Variants in SGCZ observed in about 807,000 individuals in gnomAD.
SGCZ encodes sarcoglycan zeta.
SGCZ carries 40 observed loss-of-function variants against 41.3 expected under a neutral mutation model. The ratio of observed to expected loss-of-function variants is 0.97; its 90% CI spans 0.75 to 1.26. The LOEUF is 1.26. SGCZ is among the 50% of genes most tolerant of loss of function. SGCZ has a pLI of 0.00. For synonymous variants in SGCZ, 206 were observed against 137.5 expected (o/e 1.50, Z -3.49); for missense variants, 552 against 369.8 (o/e 1.49, Z -4.04).
intron 2 of SGCZ, among the ~76,000 whole-genome samples, chr8:14,404,695 A>T (rs1799164107): frequency 6.6e-6 from 1 of 152,144 alleles, no homozygotes; most frequent in Non-Finnish European, 1.5e-5. Context: ...AGCTGCAGTT[A>T]TGTCTCTGTA....
chr8:14,746,653 C>A (rs560639029), intron 1 of SGCZ, among the ~76,000 whole-genome samples: 1 of 152,112 alleles, frequency 6.6e-6, no homozygotes, highest in Non-Finnish European at 1.5e-5. Context: ...AAAGATACTA[C>A]ACTTGCCAAA....
At chr8:14,866,933 G>C (rs116813875) in intron 1 of SGCZ, among the ~76,000 whole-genome samples, 3,614 of 152,256 alleles carry the variant, frequency 0.024, 52 homozygotes, top group Middle Eastern at 0.048. Flanking sequence ...GTTTCTGAGA[G>C]AGCACGCTGT....
chr8:14,385,253 A>G (rs1804532128), intron 2 of SGCZ, among the ~76,000 whole-genome samples: 1 of 152,170 alleles, frequency 6.6e-6, no homozygotes, highest in Non-Finnish European at 1.5e-5. Flanking sequence ...CAGCTCCAGT[A>G]CACTATTAAG....
chr8:14,907,093 T>C (rs562971246), intron 1 of SGCZ, among the ~76,000 whole-genome samples: 1 of 152,332 alleles, frequency 6.6e-6, no homozygotes, highest in Non-Finnish European at 1.5e-5. Flanking sequence ...ACTGGGTCAC[T>C]GAAATGTAAA....
chr8:14,175,057 A>T (rs1256723937), intron 4 of SGCZ, among the ~76,000 whole-genome samples: 2 of 152,170 alleles, frequency 1.3e-5, no homozygotes, highest in African/African-American at 4.8e-5. Context: ...ACATTCTGGT[A>T]CTGAAGGTTA....
At chr8:15,210,664 C>T (rs1203729423) in intron 1 of SGCZ, among the ~76,000 whole-genome samples, 2 of 152,036 alleles carry the variant, frequency 1.3e-5, no homozygotes, top group Admixed American at 1.3e-4. Flanking sequence ...TATGAGCAAT[C>T]CAATACTCCC....
At chr8:14,448,184 T>C (rs1800489163) in intron 2 of SGCZ, among the ~76,000 whole-genome samples, 1 of 152,216 alleles carries the variant, frequency 6.6e-6, no homozygotes, top group South Asian at 2.1e-4. Flanking sequence ...CTCTTGCTAC[T>C]AAAAGAGAGA....
chr8:14,354,980 A>G (rs773001899), intron 2 of SGCZ, among the ~76,000 whole-genome samples: 1 of 151,924 alleles, frequency 6.6e-6, no homozygotes, highest in African/African-American at 2.4e-5. Context: ...ATTAATAAAT[A>G]TTTGCTGAAT....
rs138642352 is a variant in SGCZ at position 14,215,955 on chromosome 8, G to A, written c.424+21637C>T. 3.9e-3 allele frequency among the ~76,000 whole-genome samples: 591 copies of A among 152,328 alleles called. 4 individuals carry two copies. The highest frequency in any genetic ancestry group is 6.9e-3 in the Non-Finnish European group (468 of 68,034). On this transcript the variant is annotated intron_variant, in intron 4 of 7. Coordinates refer to ENST00000382080, the MANE Select transcript of SGCZ (RefSeq NM_139167.4). ...GTACCCAGTGAAAGAGTGGGCTAGG[G>A]GACCAGGCCCCTCACAGACCCTGAG...
rs576264356 is a variant in SGCZ at position 15,108,242 on chromosome 8, T to C, written c.39+129343A>G. 2.9e-4 allele frequency among the ~76,000 whole-genome samples: 44 copies of C among 152,352 alleles called. No homozygotes were observed. In the South Asian group the frequency reaches 6.6e-3, roughly 23 times the overall value. On this transcript the variant is annotated intron_variant, in intron 1 of 7. Transcript: ENST00000382080. Reference sequence around the variant, plus strand: ...CATTAAATTCTCTTGAAATTAGTAATATGGGTTTTAAACATATGGTTCTCA... The same window carrying C: ...CATTAAATTCTCTTGAAATTAGTAACATGGGTTTTAAACATATGGTTCTCA...
At chr8:14,131,520 A>G (rs1363166481) in intron 5 of SGCZ, among the ~76,000 whole-genome samples, 1 of 152,132 alleles carries the variant, frequency 6.6e-6, no homozygotes, top group Non-Finnish European at 1.5e-5. Context: ...AGAATCTTTT[A>G]TCTATGACAA....
chr8:14,520,438 G>C (rs184779452), intron 2 of SGCZ, among the ~76,000 whole-genome samples: 1 of 152,234 alleles, frequency 6.6e-6, no homozygotes, highest in Non-Finnish European at 1.5e-5. Flanking sequence ...AATTTGGACA[G>C]AGTGTAAGAA....
chr8:14,947,898 T>C (rs1404494210), intron 1 of SGCZ, among the ~76,000 whole-genome samples: 3 of 152,194 alleles, frequency 2.0e-5, no homozygotes, highest in Non-Finnish European at 4.4e-5. Context: ...AGATTGATTT[T>C]TGAAATCTGA....
At chr8:14,218,908 G>A (rs940893836) in intron 4 of SGCZ, among the ~76,000 whole-genome samples, 2 of 152,300 alleles carry the variant, frequency 1.3e-5, no homozygotes, top group Admixed American at 6.5e-5. Flanking sequence ...ACCACCAATT[G>A]AGTGCAGTCA....
At chr8:14,621,302 G>A (rs1455254900) in intron 1 of SGCZ, among the ~76,000 whole-genome samples, 1 of 107,404 alleles carries the variant, frequency 9.3e-6, no homozygotes, top group East Asian at 3.4e-4. Flanking sequence ...TGGGGGGAGG[G>A]GGGAGGGATA....
chr8:14,946,812 C>T (rs1177948994), intron 1 of SGCZ, among the ~76,000 whole-genome samples: 3 of 151,462 alleles, frequency 2.0e-5, no homozygotes, highest in Non-Finnish European at 2.9e-5. Context: ...AGTAGCCAGA[C>T]CTACAGGCAC....
chr8:14,715,040 T>C (rs1468309031), intron 1 of SGCZ, among the ~76,000 whole-genome samples: 2 of 152,194 alleles, frequency 1.3e-5, no homozygotes, highest in Non-Finnish European at 2.9e-5. Flanking sequence ...GAGAGCAGGA[T>C]TTATTTTAAA....
intron 1 of SGCZ, among the ~76,000 whole-genome samples, chr8:15,220,817 G>A (rs1325146871): frequency 6.6e-6 from 1 of 152,088 alleles, no homozygotes; most frequent in Non-Finnish European, 1.5e-5. Context: ...TATACACCAC[G>A]GAATACTATG....
intron 6 of SGCZ, 87 bp downstream of exon 6, chr8:14,108,075 TG>T (rs199501967): frequency 1.1e-6 from 1 of 898,366 alleles, no homozygotes; most frequent in Non-Finnish European, 1.8e-6. Flanking sequence ...GAGAAACATT[TG>T]TCTAGTTGTC....
Sources: allele counts gnomAD v4.1 joint callset (sites outside exome capture counted in the v4.1 genomes callset), GRCh38; gene constraint gnomAD v4.1.1; transcripts MANE v1.5; gene names NCBI Gene and HGNC (gene_info 2026-07-23, HGNC 2026-07-21).